Variants in SHANK2 observed in about 807,000 individuals in gnomAD.
SHANK2 encodes the protein SH3 and multiple ankyrin repeat domains 2.
Under a neutral mutation model 133.7 loss-of-function variants are expected in SHANK2, and 43 were observed. That is an observed-to-expected ratio of 0.32 (90% CI 0.25 to 0.41). SHANK2 has a LOEUF of 0.41. Among genes scored for constraint, SHANK2 ranks in the 10% least tolerant of loss-of-function variants. SHANK2 has a pLI of 1.00. For missense variants in SHANK2, 1,994 were observed against 2,235.8 expected, an observed-to-expected ratio of 0.89 and a Z score of 2.18; for synonymous variants, 1,017 against 952.8, an observed-to-expected ratio of 1.07 and a Z score of -1.24.
intron 14 of SHANK2, among the ~76,000 whole-genome samples, chr11:70,744,244 C>T (rs978463887): frequency 1.3e-5 from 2 of 152,352 alleles, no homozygotes; most frequent in African/African-American, 4.8e-5. Flanking sequence ...TCTCTGGCCT[C>T]CCCCAGGAAG....
intron 2 of SHANK2, among the ~76,000 whole-genome samples, chr11:71,196,587 C>G (rs80112882): frequency 6.6e-6 from 1 of 151,414 alleles, no homozygotes; most frequent in South Asian, 2.1e-4. Flanking sequence ...CGTGGCCCTG[C>G]CTCTGGTTCT....
intron 2 of SHANK2, among the ~76,000 whole-genome samples, chr11:71,150,722 A>G (rs1212500454): frequency 2.6e-5 from 4 of 152,028 alleles, no homozygotes; most frequent in African/African-American, 9.7e-5. Flanking sequence ...CCCTGTGTCC[A>G]ACCACCTAAC....
chr11:71,085,255 G>C lies in SHANK2; in HGVS notation c.912+7167C>G, dbSNP rs1017015751. Among the ~76,000 whole-genome samples, 81 of 151,694 alleles carry C rather than the reference G, an allele frequency of 5.3e-4. 1 individual carries two copies. The highest frequency in any genetic ancestry group is 1.7e-3 in the African/African-American group (70 of 41,336). On this transcript the variant is annotated intron_variant, in intron 8 of 25. Coordinates refer to ENST00000601538, the MANE Select transcript of SHANK2 (RefSeq NM_012309.5). ...GCAGATCACTTGAGGTCAGGAGTTC[G>C]AGACAAGCCTAGCCAACATGTTGAA...
At chr11:71,071,945 G>C (rs953257178) in intron 9 of SHANK2, among the ~76,000 whole-genome samples, 3 of 152,116 alleles carry the variant, frequency 2.0e-5, no homozygotes, top group Non-Finnish European at 4.4e-5. Context: ...ATCTCCCTCT[G>C]TTCCTCCAGG....
intron 3 of SHANK2, among the ~76,000 whole-genome samples, chr11:71,135,657 T>C (rs1952424326): frequency 6.6e-6 from 1 of 152,038 alleles, no homozygotes; most frequent in Non-Finnish European, 1.5e-5. Context: ...GGTTTCACCA[T>C]GTTGGCCAGG....
intron 11 of SHANK2, among the ~76,000 whole-genome samples, chr11:70,837,820 C>G (rs1948843013): frequency 6.6e-6 from 1 of 151,430 alleles, no homozygotes; most frequent in Non-Finnish European, 1.5e-5. Flanking sequence ...ACTAAAAACA[C>G]AAAAAATGAG....
chr11:71,207,178 CTTTTTTTTTT>C (rs56946028), intron 2 of SHANK2, among the ~76,000 whole-genome samples: 1 of 115,870 alleles, frequency 8.6e-6, no homozygotes, highest in Non-Finnish European at 1.7e-5. Context: ...TTTAAAATTC[CTTTTTTTTTT>C]TTTTTTTTTG....
chr11:70,901,710 G>C (rs991321883), intron 10 of SHANK2, among the ~76,000 whole-genome samples: 10 of 152,216 alleles, frequency 6.6e-5, no homozygotes, highest in Non-Finnish European at 1.5e-4. Flanking sequence ...AGGATGTAGA[G>C]AGACTTCCTG....
chr11:70,872,800 G>A (rs982749412), intron 11 of SHANK2, among the ~76,000 whole-genome samples: 10 of 152,224 alleles, frequency 6.6e-5, no homozygotes, highest in African/African-American at 2.4e-4. Context: ...CCTAAGGGTC[G>A]TGGGGGCTGC....
chr11:70,515,648 A>AAAC (rs2059255275), intron 17 of SHANK2, among the ~76,000 whole-genome samples: 1 of 150,658 alleles, frequency 6.6e-6, no homozygotes, highest in African/African-American at 2.4e-5. Context: ...AAAAAAAAAA[A>AAAC]AAAAAAAAAA....
intron 4 of SHANK2, among the ~76,000 whole-genome samples, chr11:71,118,322 A>G (rs1457365108): frequency 1.3e-5 from 2 of 152,242 alleles, no homozygotes; most frequent in Non-Finnish European, 2.9e-5. Context: ...ACTGCTATAA[A>G]GAAATACCTG....
intron 14 of SHANK2, among the ~76,000 whole-genome samples, chr11:70,736,580 C>G (rs181198074): frequency 6.6e-6 from 1 of 152,140 alleles, no homozygotes; most frequent in Non-Finnish European, 1.5e-5. Flanking sequence ...AGGAGGTGGA[C>G]GAGGCAGGAA....
At chr11:70,738,346 A>T (rs1217878099) in intron 14 of SHANK2, among the ~76,000 whole-genome samples, 12 of 152,086 alleles carry the variant, frequency 7.9e-5, no homozygotes, top group Non-Finnish European at 1.8e-4. Flanking sequence ...CTGTGCACCA[A>T]CCCCAACCAT....
intron 4 of SHANK2, among the ~76,000 whole-genome samples, chr11:71,116,514 C>T (rs532857862): frequency 6.6e-6 from 1 of 152,376 alleles, no homozygotes; most frequent in East Asian, 1.9e-4. Context: ...GAGGGAGGCC[C>T]AGGAGCTTGT....
chr11:70,601,368 T>C (rs1362953449), intron 17 of SHANK2, among the ~76,000 whole-genome samples: 4 of 152,144 alleles, frequency 2.6e-5, no homozygotes, highest in Non-Finnish European at 4.4e-5. Context: ...TACAGGCGCA[T>C]GCCACCACAC....
Position 70,804,571 on chromosome 11 carries a change from T to C in SHANK2, c.1663+2431A>G, listed in dbSNP as rs1348888027. ...GGGGCGGGTTCCAGTCTGGTCATGT[T>C]TGAGGAGGTGCTGCTGGGTTCCAGT... On this transcript the variant is annotated intron_variant, in intron 13 of 25. Transcript: ENST00000601538. The surrounding 1 kb of genome is among the most constrained non-coding windows in gnomAD (Gnocchi z 4.1). Among the ~76,000 whole-genome samples the C allele has an allele frequency of 1.3e-5, 2 of 152,014 alleles. No individual in the cohort carries two copies. Among genetic ancestry groups the C allele is most frequent in the Non-Finnish European group, 2.9e-5 (2 of 67,958 alleles).
intron 4 of SHANK2, among the ~76,000 whole-genome samples, chr11:71,114,615 C>T (rs753080627): frequency 4.6e-5 from 7 of 152,084 alleles, no homozygotes; most frequent in Admixed American, 3.3e-4. Context: ...GGAGAAAGTG[C>T]GCTGGTCAGA....
chr11:70,944,086 C>G, intron 10 of SHANK2: 2 of 395,202 alleles, frequency 5.1e-6, no homozygotes, highest in South Asian at 3.7e-5. Flanking sequence ...GGTAGGCAGT[C>G]GACTGCAATT....
At position 70,791,564 on chromosome 11, in the gene SHANK2, C is replaced by G. The variant is rs1212739099; in HGVS notation, c.1777+6879G>C. On this transcript the variant is annotated intron_variant, in intron 14 of 25. Transcript: ENST00000601538. ...CCCAACTCTTCATACGCATCATCTC[C>G]AGGCTTCACATTTCAGATAAAGAAG... 2.0e-5 allele frequency among the ~76,000 whole-genome samples: 3 copies of G among 152,330 alleles called. No individual in the cohort carries two copies. The East Asian group carries it at 5.8e-4, about 29-fold the overall frequency.
Sources: allele counts gnomAD v4.1 joint callset (sites outside exome capture counted in the v4.1 genomes callset), GRCh38; gene constraint gnomAD v4.1.1; non-coding constraint Gnocchi (gnomAD v3.1); transcripts MANE v1.5; gene names NCBI Gene and HGNC (gene_info 2026-07-23, HGNC 2026-07-21).